ALDH1L2: variants seen among roughly 807,000 people sequenced by gnomAD.
ALDH1L2 encodes aldehyde dehydrogenase 1 family member L2.
Under a neutral mutation model 111.0 loss-of-function variants are expected in ALDH1L2, and 91 were observed. That is an observed-to-expected ratio of 0.82 (90% CI 0.69 to 0.98). The LOEUF (loss-of-function observed/expected upper bound fraction) is 0.98. ALDH1L2 is among the 50% of genes least tolerant of loss of function. The pLI is 0.00. For missense variants in ALDH1L2, 995 were observed against 1,126.8 expected (o/e 0.88, Z 1.67); for synonymous variants, 374 against 392.6 (o/e 0.95, Z 0.56).
intron 1 of ALDH1L2, among the ~76,000 whole-genome samples, chr12:105,080,771 G>A (rs1878300032): frequency 6.6e-6 from 1 of 152,278 alleles, no homozygotes; most frequent in South Asian, 2.1e-4. Flanking sequence ...TGTCATGTCA[G>A]TGCTCAAAAA....
rs1555224201 is a variant in ALDH1L2, at chr12:105,035,839, A to ATATGTGTGTGTG, written c.2146-1442_2146-1441insCACACACACATA. ...ATATAGTGTGTCTATATATATATATATGTGTGTGTGTGTGTGTGTGTGTGT... is the reference window on the plus strand; with the variant it reads ...ATATAGTGTGTCTATATATATATATATATGTGTGTGTGTGTGTGTGTGTGTGTGTGTGTGTGT... On this transcript the variant is annotated intron_variant, in intron 18 of 22. Coordinates refer to ENST00000258494, the MANE Select transcript of ALDH1L2 (RefSeq NM_001034173.4). Among the ~76,000 whole-genome samples the ATATGTGTGTGTG allele has an allele frequency of 3.0e-5, 3 of 100,244 alleles. 1 individual carries two copies. The highest frequency in any genetic ancestry group is 1.8e-4 in the African/African-American group (3 of 16,382). 65.8% of individuals were successfully genotyped at this position (100,244 alleles called of 152,430 possible).
intron 12 of ALDH1L2, among the ~76,000 whole-genome samples, chr12:105,051,778 C>CT (rs1436416607): frequency 0.02 from 2,133 of 109,348 alleles, 44 homozygotes; most frequent in African/African-American, 0.058. Flanking sequence ...CTTTGTTTTG[C>CT]TTCTTTTTTT....
At chr12:105,069,055 C>T (rs1162804327) in intron 3 of ALDH1L2, among the ~76,000 whole-genome samples, 171 bp from the exon 4 acceptor site, 1 of 152,140 alleles carries the variant, frequency 6.6e-6, no homozygotes, top group Non-Finnish European at 1.5e-5. Context: ...AAAAGCAGTG[C>T]CTAATGGTAC....
In ALDH1L2 at chr12:105,040,704, A is replaced by G. The variant is rs773406617; in HGVS notation, c.1864-10T>C. ...CAGTCAAGGGCGTGACCTGAGGAGA[A>G]GCAAACAGCAATTACCTTCTTCAGG... On this transcript the variant is annotated splice_polypyrimidine_tract_variant and intron_variant, in intron 15 of 22. Coordinates refer to ENST00000258494, the MANE Select transcript of ALDH1L2 (RefSeq NM_001034173.4). 3.2e-5 allele frequency: 51 copies of G among 1,613,646 alleles called. No homozygotes were observed. The Admixed American group carries it at 8.3e-4, about 26-fold the overall frequency.
At chr12:105,064,515 C>T (rs1877228510) in intron 6 of ALDH1L2, among the ~76,000 whole-genome samples, 1 of 152,176 alleles carries the variant, frequency 6.6e-6, no homozygotes, top group African/African-American at 2.4e-5. Context: ...AGTATGTACC[C>T]AGACTCCTGC....
intron 9 of ALDH1L2, among the ~76,000 whole-genome samples, chr12:105,058,465 C>G (rs936074376): frequency 6.6e-6 from 1 of 152,074 alleles, no homozygotes; most frequent in Non-Finnish European, 1.5e-5. Flanking sequence ...TAAAAGCAAT[C>G]AAGGCAAAAA....
chr12:105,039,849 G>A (rs775500198), intron 16 of ALDH1L2, 43 bp from the exon 17 acceptor site: 2 of 1,576,052 alleles, frequency 1.3e-6, no homozygotes, highest in African/African-American at 1.3e-5. Context: ...ACATACTCAA[G>A]GCCGGGCGCG....
intron 10 of ALDH1L2, among the ~76,000 whole-genome samples, chr12:105,056,282 C>T (rs1270078281): frequency 1.3e-5 from 2 of 151,994 alleles, no homozygotes; most frequent in Non-Finnish European, 2.9e-5. Context: ...AAGAAAAATA[C>T]CGTCCAAAAA....
chr12:105,041,672 C>T (rs143024320), intron 15 of ALDH1L2, among the ~76,000 whole-genome samples: 3 of 152,256 alleles, frequency 2.0e-5, no homozygotes, highest in East Asian at 1.9e-4. Flanking sequence ...ATTCCTTTTA[C>T]GTGTAGTAGT....
At chr12:105,076,363 C>G (rs2136112820) in intron 1 of ALDH1L2, among the ~76,000 whole-genome samples, 1 of 152,228 alleles carries the variant, frequency 6.6e-6, no homozygotes, top group East Asian at 1.9e-4. Flanking sequence ...TAATGAGACC[C>G]TAGTTTGGGC....
chr12:105,068,429 T>C (rs1877501436), intron 4 of ALDH1L2, among the ~76,000 whole-genome samples: 1 of 152,154 alleles, frequency 6.6e-6, no homozygotes. Context: ...TTAATCATTA[T>C]AGGCAGGGTT....
At chr12:105,062,144 G>T (rs757316922) in intron 7 of ALDH1L2, among the ~76,000 whole-genome samples, 1 of 152,180 alleles carries the variant, frequency 6.6e-6, no homozygotes, top group Non-Finnish European at 1.5e-5. Context: ...TGCTTCAGCA[G>T]CACATATACT....
intron 1 of ALDH1L2, among the ~76,000 whole-genome samples, chr12:105,075,601 A>G (rs1392463229): frequency 6.6e-6 from 1 of 152,204 alleles, no homozygotes; most frequent in East Asian, 1.9e-4. Context: ...CGCCCCCGCA[A>G]AAAAAGAAAC....
intron 2 of ALDH1L2, among the ~76,000 whole-genome samples, chr12:105,072,984 A>G (rs776792830): frequency 3.3e-5 from 5 of 152,162 alleles, no homozygotes; most frequent in Non-Finnish European, 5.9e-5. Context: ...AAAAAAGAAA[A>G]AAGTACTCTG....
chr12:105,027,511 T>TCGAGGTGGGA (rs1874475627), intron 21 of ALDH1L2, among the ~76,000 whole-genome samples: 1 of 152,226 alleles, frequency 6.6e-6, no homozygotes, highest in Admixed American at 6.5e-5. Context: ...GGTGGTTCTG[T>TCGAGGTGGGA]GAGAGGGCTC....
chr12:105,061,423 T>G (rs1379375122), intron 8 of ALDH1L2, among the ~76,000 whole-genome samples: 1 of 152,192 alleles, frequency 6.6e-6, no homozygotes, highest in Non-Finnish European at 1.5e-5. Context: ...AACCTGGAAC[T>G]GCCTTGGATG....
At chr12:105,083,127 C>T (rs551595521) in intron 1 of ALDH1L2, among the ~76,000 whole-genome samples, 1 of 152,324 alleles carries the variant, frequency 6.6e-6, no homozygotes, top group East Asian at 1.9e-4. Flanking sequence ...TTTCATTCTG[C>T]AAGACTTCCT....
chr12:105,041,422 A>G (rs1255867932), intron 15 of ALDH1L2, among the ~76,000 whole-genome samples: 1 of 152,238 alleles, frequency 6.6e-6, no homozygotes, highest in East Asian at 1.9e-4. Context: ...TCAGGACATC[A>G]GGAGGCACGT....
intron 21 of ALDH1L2, among the ~76,000 whole-genome samples, chr12:105,028,099 A>G (rs1235010556): frequency 3.9e-5 from 6 of 152,084 alleles, no homozygotes; most frequent in African/African-American, 1.4e-4. Context: ...AGCAAATACA[A>G]GCCAGGTTGT....
Sources: gnomAD v4.1 joint callset for allele counts (sites outside exome capture counted in the v4.1 genomes callset) on GRCh38, gnomAD v4.1.1 for gene constraint, MANE v1.5 for transcripts, NCBI Gene and HGNC (gene_info 2026-07-23, HGNC 2026-07-21) for gene names.